The following CELF2 variants were observed in gnomAD, a reference collection of about 807,000 sequenced individuals.
CELF2 encodes the protein CUGBP Elav-like family member 2.
In CELF2, 8 loss-of-function variants were observed where a neutral mutation model predicts 62.6. The observed-to-expected ratio is 0.13, with a 90% CI of 0.07 to 0.23. The LOEUF is 0.23. CELF2 is among the 10% of genes least tolerant of loss of function. The probability of loss-of-function intolerance (pLI) is 1.00; values close to 1 mark genes in which losing one functional copy is unlikely to be tolerated. For missense variants in CELF2, 333 were observed against 671.0 expected, an observed-to-expected ratio of 0.50 and a Z score of 5.56; for synonymous variants, 258 against 250.0, an observed-to-expected ratio of 1.03 and a Z score of -0.30.
chr10:10,879,593 A>G (rs1407492945), intron 1 of CELF2, among the ~76,000 whole-genome samples: 1 of 152,216 alleles, frequency 6.6e-6, no homozygotes, highest in Non-Finnish European at 1.5e-5. Context: ...CCATTTTGAA[A>G]GCTCTCTAGG....
rs1035166750 is a variant in CELF2 at position 11,330,948 on chromosome 10, G to A, written c.*1895G>A. ...TAATAGTTTTTACATTTTTCAGGCA[G>A]TGTAAAGTTTTTTGATAAGGCCATT... is the stretch of plus-strand genomic sequence containing the variant. On this transcript the variant is annotated 3_prime_UTR_variant, in exon 13 of 13. Transcript: ENST00000633077. The surrounding 1 kb of genome is among the most constrained non-coding windows in gnomAD (Gnocchi z 4.5). 1 of 152,526 alleles carries A rather than the reference G, an allele frequency of 6.6e-6. No homozygotes were observed. The highest frequency in any genetic ancestry group is 1.5e-5 in the Non-Finnish European group (1 of 68,034). The allele number at this position is 152,526 out of a possible 1,614,324, so 9.4% of individuals were successfully genotyped here. A position where few individuals can be genotyped will look rare whatever the true frequency, so the allele number is the denominator to read the frequency against.
At chr10:11,015,620 A>C (rs925369143), upstream of CELF2, among the ~76,000 whole-genome samples, 1 of 152,232 alleles carries the variant, frequency 6.6e-6, no homozygotes, top group African/African-American at 2.4e-5. This position sits in a 1 kb window ranked among gnomAD's most constrained non-coding sequence, Gnocchi z 4.8. Flanking sequence ...TTAAACTGCA[A>C]AAGCAAATGT....
intron 1 of CELF2, among the ~76,000 whole-genome samples, chr10:10,847,205 C>CATAT (rs113383376): frequency 2.0e-5 from 3 of 149,218 alleles, no homozygotes; most frequent in Non-Finnish European, 4.5e-5. Context: ...TATATATACG[C>CATAT]ATATATATAT....
At chr10:10,777,231 A>AGC in the CELF2 span, among the ~76,000 whole-genome samples, 2 of 151,978 alleles carry the variant, frequency 1.3e-5, no homozygotes, top group Non-Finnish European at 2.9e-5. Flanking sequence ...TGATCCCCAC[A>AGC]TTGTCACCTC....
the CELF2 span, among the ~76,000 whole-genome samples, chr10:10,529,737 AT>A: frequency 6.7e-6 from 1 of 150,282 alleles, no homozygotes; most frequent in South Asian, 2.1e-4. Context: ...AATCTTAAAG[AT>A]TAGTGAATTA....
the CELF2 span, among the ~76,000 whole-genome samples, chr10:10,559,541 C>T: frequency 4.1e-4 from 63 of 152,260 alleles, no homozygotes; most frequent in Admixed American, 4.1e-3. Context: ...TAAGATAGTG[C>T]TGATGTTGCT....
the CELF2 span, among the ~76,000 whole-genome samples, chr10:10,744,447 A>C: frequency 6.6e-6 from 1 of 152,202 alleles, no homozygotes; most frequent in Non-Finnish European, 1.5e-5. Flanking sequence ...TTTTATAAGC[A>C]ATTTCCTATG....
chr10:10,808,645 G>A (rs1024955320), intron 1 of CELF2, among the ~76,000 whole-genome samples: 1 of 152,132 alleles, frequency 6.6e-6, no homozygotes, highest in Non-Finnish European at 1.5e-5. Context: ...AAATACAGGA[G>A]GTAAGATCAT....
the CELF2 span, among the ~76,000 whole-genome samples, chr10:10,498,230 G>C: frequency 6.6e-6 from 1 of 152,182 alleles, no homozygotes; most frequent in African/African-American, 2.4e-5. Context: ...GCTCAGAAAC[G>C]TGCCATCTGA....
chr10:10,591,414 G>A, the CELF2 span, among the ~76,000 whole-genome samples: 73 of 151,918 alleles, frequency 4.8e-4, no homozygotes, highest in South Asian at 0.014. Context: ...AAAACACAAA[G>A]TTGGGCATAT....
intron 3 of CELF2, among the ~76,000 whole-genome samples, chr10:11,239,371 T>C (rs1469231660): frequency 6.6e-6 from 1 of 152,168 alleles, no homozygotes; most frequent in Non-Finnish European, 1.5e-5. Context: ...CACTAGATTA[T>C]TAGCCTGTGG....
chr10:10,673,532 A>G, the CELF2 span, among the ~76,000 whole-genome samples: 6 of 152,028 alleles, frequency 3.9e-5, no homozygotes, highest in East Asian at 1.2e-3. Flanking sequence ...TTTCAATTTC[A>G]TTGACTTCTG....
chr10:10,886,432 A>T lies in CELF2; in HGVS notation c.54-33532A>T, dbSNP rs571296919. Among the ~76,000 whole-genome samples the T allele has an allele frequency of 2.2e-4, 33 of 152,360 alleles. 1 individual carries two copies. The highest frequency in any genetic ancestry group is 6.8e-3 in the Middle Eastern group (2 of 294). On this transcript the variant is annotated intron_variant, in intron 1 of 13. Transcript: ENST00000636488. ...CATGCAGAATATAGGCAAAGTGCCA[A>T]CAGAAGGGCTGCCCTCCTGATATTT... is the stretch of plus-strand genomic sequence containing the variant.
chr10:10,615,618 G>GTGAGAGA, the CELF2 span, among the ~76,000 whole-genome samples: 3 of 152,034 alleles, frequency 2.0e-5, no homozygotes, highest in African/African-American at 7.3e-5. Context: ...GGACCACGGG[G>GTGAGAGA]GCAGATTTCC....
chr10:11,232,438 A>G (rs1294059975), intron 3 of CELF2, among the ~76,000 whole-genome samples: 1 of 152,128 alleles, frequency 6.6e-6, no homozygotes, highest in African/African-American at 2.4e-5. Context: ...CTTGGGGGGA[A>G]AAAATAGAAG....
At chr10:11,153,725 A>C (rs753797393) in intron 1 of CELF2, among the ~76,000 whole-genome samples, 7 of 152,376 alleles carry the variant, frequency 4.6e-5, no homozygotes, top group Non-Finnish European at 1.0e-4. Context: ...ATCCAAGAAG[A>C]AAAATTCTTC....
intron 1 of CELF2, among the ~76,000 whole-genome samples, chr10:10,881,881 C>T (rs2061459844): frequency 6.6e-6 from 1 of 152,190 alleles, no homozygotes; most frequent in South Asian, 2.1e-4. Context: ...ACTCCATCTT[C>T]AATATGTTCC....
the CELF2 span, among the ~76,000 whole-genome samples, chr10:10,702,017 A>G: frequency 6.6e-6 from 1 of 152,242 alleles, no homozygotes; most frequent in Non-Finnish European, 1.5e-5. Context: ...TTCCCAAATA[A>G]CAGACAATCT....
chr10:10,752,317 C>T, the CELF2 span, among the ~76,000 whole-genome samples: 1 of 152,190 alleles, frequency 6.6e-6, no homozygotes, highest in East Asian at 1.9e-4. Context: ...AAGTGGATAG[C>T]TGCAGCTTTT....
Sources: allele counts gnomAD v4.1 joint callset (sites outside exome capture counted in the v4.1 genomes callset), GRCh38; gene constraint gnomAD v4.1.1; non-coding constraint Gnocchi (gnomAD v3.1); transcripts MANE v1.5; gene names NCBI Gene and HGNC (gene_info 2026-07-23, HGNC 2026-07-21).